Variants in ANXA8 observed in about 807,000 individuals in gnomAD.
ANXA8 encodes the protein VAC-beta.
A neutral mutation model predicts 26.8 loss-of-function variants in ANXA8; 9 were observed. The observed-to-expected ratio is 0.34, with a 90% CI of 0.20 to 0.59. ANXA8 has a LOEUF of 0.59. Ranked by LOEUF, ANXA8 falls within the 20% of genes least tolerant of loss-of-function variation. The pLI is 0.84. For missense variants in ANXA8, 83 were observed against 238.5 expected, an observed-to-expected ratio of 0.35 and a Z score of 4.29; for synonymous variants, 39 against 94.8, an observed-to-expected ratio of 0.41 and a Z score of 3.42.
At chr10:47,644,362 G>T in the ANXA8 span, among the ~76,000 whole-genome samples, 2 of 151,426 alleles carry the variant, frequency 1.3e-5, no homozygotes, top group Non-Finnish European at 2.9e-5. Context: ...AAGAGGCTAA[G>T]ATTTTAGGTT....
chr10:47,677,324 A>G, the ANXA8 span, among the ~76,000 whole-genome samples: 2 of 152,262 alleles, frequency 1.3e-5, no homozygotes, highest in Non-Finnish European at 2.9e-5. Flanking sequence ...CAGGGATACC[A>G]TAAAGTCAGT....
At chr10:47,970,581 A>T in the ANXA8 span, 2 of 151,462 alleles carry the variant, frequency 1.3e-5, no homozygotes, top group Non-Finnish European at 3.0e-5. Context: ...ACTGTATAAC[A>T]GTTCACTAGC....
the ANXA8 span, among the ~76,000 whole-genome samples, chr10:47,622,180 T>C: frequency 3.5e-5 from 4 of 112,892 alleles, 1 homozygote; most frequent in African/African-American, 1.4e-4. Context: ...AGCATTCACA[T>C]AGACTATAGT....
chr10:47,941,189 G>A, the ANXA8 span, among the ~76,000 whole-genome samples: 1 of 146,250 alleles, frequency 6.8e-6, no homozygotes, highest in Non-Finnish European at 1.5e-5. Flanking sequence ...GGGGTAAGCA[G>A]ACACCTGGCA....
the ANXA8 span, among the ~76,000 whole-genome samples, chr10:47,623,863 CT>C: frequency 0.98 from 88,903 of 90,624 alleles, 43,849 homozygotes; most frequent in Middle Eastern, 1. Context: ...GGTCTCCCTT[CT>C]TTTTTTTTTT....
the ANXA8 span, among the ~76,000 whole-genome samples, chr10:47,644,680 GTTT>G: frequency 1.6e-4 from 24 of 151,602 alleles, no homozygotes; most frequent in Admixed American, 1.2e-3. Flanking sequence ...TTCCTATTTA[GTTT>G]TATTAACTAA....
At chr10:47,573,032 G>C in the ANXA8 span, among the ~76,000 whole-genome samples, 1 of 147,572 alleles carries the variant, frequency 6.8e-6, no homozygotes, top group Non-Finnish European at 1.5e-5. Flanking sequence ...CGCCAGGCTG[G>C]TGCACCGTGG....
At chr10:47,487,281 T>C, upstream of ANXA8, 2 of 1,162,060 alleles carry the variant, frequency 1.7e-6, no homozygotes, top group Non-Finnish European at 2.4e-6. Flanking sequence ...GCACTCACTG[T>C]CCAAGTTTGT....
At chr10:47,668,616 TTTA>T in the ANXA8 span, among the ~76,000 whole-genome samples, 2 of 151,538 alleles carry the variant, frequency 1.3e-5, no homozygotes, top group Non-Finnish European at 1.5e-5. Context: ...TTATTTATTT[TTTA>T]TTGACATCAG....
the ANXA8 span, among the ~76,000 whole-genome samples, chr10:47,896,992 G>A: frequency 1.8e-4 from 25 of 140,224 alleles, no homozygotes; most frequent in African/African-American, 5.7e-4. Flanking sequence ...GTTCAGTGGC[G>A]CGATCTCGGC....
At chr10:47,548,447 A>C in the ANXA8 span, among the ~76,000 whole-genome samples, 23 of 152,032 alleles carry the variant, frequency 1.5e-4, no homozygotes, top group African/African-American at 5.5e-4. Context: ...GATTACAGGC[A>C]TGCACCACCT....
At chr10:47,973,912 C>T in the ANXA8 span, among the ~76,000 whole-genome samples, 8 of 150,860 alleles carry the variant, frequency 5.3e-5, no homozygotes, top group Non-Finnish European at 5.9e-5. Flanking sequence ...TTGTTGTTGT[C>T]GTTGGTAGGT....
At chr10:47,617,753 A>G in the ANXA8 span, among the ~76,000 whole-genome samples, 353 of 147,376 alleles carry the variant, frequency 2.4e-3, 30 homozygotes, top group African/African-American at 8.8e-3. Context: ...TTTCTCAAAA[A>G]TGAGTAGAAA....
At chr10:47,638,957 C>T in the ANXA8 span, among the ~76,000 whole-genome samples, 5 of 148,328 alleles carry the variant, frequency 3.4e-5, no homozygotes, top group East Asian at 7.8e-4. Context: ...TTATCTGAAA[C>T]AAATAAAATT....
the ANXA8 span, among the ~76,000 whole-genome samples, chr10:47,530,370 T>C: frequency 5.2e-4 from 77 of 148,928 alleles, no homozygotes; most frequent in Non-Finnish European, 1.0e-3. Flanking sequence ...CTACAGTCCA[T>C]TAATCCCCTC....
chr10:47,974,059 G>A, the ANXA8 span, among the ~76,000 whole-genome samples: 1 of 150,714 alleles, frequency 6.6e-6, no homozygotes, highest in Non-Finnish European at 1.5e-5. Flanking sequence ...TGTGTGCATA[G>A]AATTACTCAC....
At chr10:47,551,368 A>G in the ANXA8 span, among the ~76,000 whole-genome samples, 1 of 151,138 alleles carries the variant, frequency 6.6e-6, no homozygotes, top group African/African-American at 2.4e-5. Flanking sequence ...ACTGCTAAGA[A>G]TATCATAAGG....
the ANXA8 span, among the ~76,000 whole-genome samples, chr10:47,667,666 C>A: frequency 6.6e-6 from 1 of 151,798 alleles, no homozygotes; most frequent in Non-Finnish European, 1.5e-5. Flanking sequence ...GATTCTGGTG[C>A]CTCAGCCTAC....
the ANXA8 span, among the ~76,000 whole-genome samples, chr10:47,598,808 A>C: frequency 6.6e-6 from 1 of 151,598 alleles, no homozygotes; most frequent in Non-Finnish European, 1.5e-5. Context: ...CTATTCAGAT[A>C]ATATGTTCAA....
Sources: gnomAD v4.1 joint callset for allele counts (sites outside exome capture counted in the v4.1 genomes callset) on GRCh38, gnomAD v4.1.1 for gene constraint, MANE v1.5 for transcripts, NCBI Gene and HGNC (gene_info 2026-07-23, HGNC 2026-07-21) for gene names.